LCK: variants seen among roughly 807,000 people sequenced by gnomAD.
The protein encoded by LCK is tyrosine-protein kinase Lck.
Under a neutral mutation model 64.6 loss-of-function variants are expected in LCK, and 14 were observed. The ratio of observed to expected loss-of-function variants is 0.22; its 90% confidence interval spans 0.14 to 0.34. The LOEUF is 0.34. Ranked by LOEUF, LCK falls within the 10% of genes least tolerant of loss-of-function variation. LCK has a pLI of 1.00. For synonymous variants in LCK, 277 were observed against 263.6 expected, an observed-to-expected ratio of 1.05 and a Z score of -0.49; for missense variants, 434 against 668.1, an observed-to-expected ratio of 0.65 and a Z score of 3.86.
chr1:32,281,335 C>G (rs1640453135), intron 12 of LCK, among the ~76,000 whole-genome samples: 1 of 150,792 alleles, frequency 6.6e-6, no homozygotes, highest in African/African-American at 2.4e-5. Context: ...TGGCACACAC[C>G]CGTAGTTTCA....
intron 12 of LCK, among the ~76,000 whole-genome samples, chr1:32,283,824 C>T (rs1640532549): frequency 1.3e-5 from 2 of 152,092 alleles, no homozygotes; most frequent in African/African-American, 2.4e-5. Context: ...CTGCCCTGGG[C>T]CCTGACCATC....
rs530929019 is a variant in LCK, at chr1:32,264,833, A to G, written c.-5-9492A>G. Among the ~76,000 whole-genome samples the G allele has an allele frequency of 2.0e-5, 3 of 152,184 alleles. No individual in the cohort carries two copies. In the East Asian group the frequency reaches 5.8e-4, roughly 30 times the overall value. ...GGCTGGTCTCAAACTCCGGGGCTCA[A>G]TCGATCCTCTCTCCTCAGCCTCCCA... is the stretch of plus-strand genomic sequence containing the variant. On this transcript the variant is annotated intron_variant, in intron 1 of 12. Coordinates refer to ENST00000336890, the MANE Select transcript of LCK (RefSeq NM_005356.5).
intron 9 of LCK, among the ~76,000 whole-genome samples, chr1:32,278,262 G>A (rs1233452545): frequency 1.3e-5 from 2 of 152,114 alleles, no homozygotes; most frequent in African/African-American, 4.8e-5. Flanking sequence ...TGATTCTTTG[G>A]GAGTGTAAGA....
At chr1:32,280,029 C>T in intron 11 of LCK, 35 bp downstream of exon 11, 1 of 1,613,940 alleles carries the variant, frequency 6.2e-7, no homozygotes, top group South Asian at 1.1e-5. Flanking sequence ...CTGGGCCCTG[C>T]AGGGTCTGGC....
chr1:32,274,355 C>T lies in LCK; in HGVS notation c.26C>T (p.Pro9Leu), dbSNP rs111771386. MGCGCSSH[P>L]EDDWMENIDV... ...ATGGGCTGTGGCTGCAGCTCACACC[C>T]GGAAGATGACTGGATGGAAAACATC... The change falls in exon 2 of 13, where the codon CCG becomes CTG. Residue 9 changes from proline (P) to leucine (L), a missense_variant. Transcript: ENST00000336890. 3 of 1,613,998 alleles carry T rather than the reference C, an allele frequency of 1.9e-6. No homozygotes were observed. Among genetic ancestry groups the T allele is most frequent in the African/African-American group, 1.3e-5 (1 of 74,920 alleles).
At chr1:32,253,665 A>C (rs1201018681) in intron 1 of LCK, among the ~76,000 whole-genome samples, 1 of 152,142 alleles carries the variant, frequency 6.6e-6, no homozygotes, top group Non-Finnish European at 1.5e-5. Flanking sequence ...CCACACCCAA[A>C]TTATGCCCAC....
chr1:32,275,056 A>C lies in LCK; in HGVS notation c.251A>C (p.Lys84Thr). Reference sequence around the variant, plus strand: ...CACGACGGAGATCTGGGCTTTGAGAAGGGGGAACAGCTCCGCATCCTGGAG... The same window carrying C: ...CACGACGGAGATCTGGGCTTTGAGACGGGGGAACAGCTCCGCATCCTGGAG... ...PSHDGDLGFE[K>T]GEQLRILEQS... is the part of the protein sequence containing the mutation. The change falls in exon 4 of 13, where the codon AAG (lysine) becomes ACG (threonine). Residue 84 changes from lysine (K) to threonine (T), a missense_variant. Lys to Thr is a moderately conservative substitution (Grantham distance 78). Transcript: ENST00000336890. The surrounding 1 kb of genome is among the most constrained non-coding windows in gnomAD (Gnocchi z 6.9). The C allele has an allele frequency of 6.2e-7, 1 of 1,613,812 alleles. No individual in the cohort carries two copies. Among genetic ancestry groups the C allele is most frequent in the Non-Finnish European group, 8.5e-7 (1 of 1,179,768 alleles).
intron 1 of LCK, among the ~76,000 whole-genome samples, chr1:32,271,828 T>C (rs1220550701): frequency 6.6e-6 from 1 of 152,166 alleles, no homozygotes; most frequent in Non-Finnish European, 1.5e-5. Context: ...GCTTCTGCTC[T>C]TGATGAACCC....
At chr1:32,268,762 G>A (rs1477954779) in intron 1 of LCK, among the ~76,000 whole-genome samples, 2 of 149,096 alleles carry the variant, frequency 1.3e-5, no homozygotes, top group South Asian at 2.1e-4. Context: ...GCGGTGGGCC[G>A]AGATCGTGCC....
chr1:32,279,794 C>T (rs369495108), intron 10 of LCK, 47 bp downstream of exon 10: 74 of 1,611,864 alleles, frequency 4.6e-5, no homozygotes, highest in Admixed American at 1.3e-4. Context: ...AGACCAGTGA[C>T]GTGAAGACAT....
rs374526337 is a variant in LCK at position 32,276,327 on chromosome 1, G to A, written c.632-10G>A. 6.4e-7 allele frequency: 1 copy of A among 1,553,746 alleles called. No homozygotes were observed. The highest frequency in any genetic ancestry group is 8.7e-7 in the Non-Finnish European group (1 of 1,152,438). ...TATTGACAGCCTTCACCCCTCCCTCGTCCTCGCAGATGCTTCAGATGGGCT... is the reference window on the plus strand; with the variant it reads ...TATTGACAGCCTTCACCCCTCCCTCATCCTCGCAGATGCTTCAGATGGGCT... On this transcript the variant is annotated splice_polypyrimidine_tract_variant and intron_variant, in intron 7 of 12. Transcript: ENST00000336890. The surrounding 1 kb of genome is among the most constrained non-coding windows in gnomAD (Gnocchi z 4.6).
At chr1:32,264,293 C>T (rs771169094) in intron 1 of LCK, among the ~76,000 whole-genome samples, 8 of 152,188 alleles carry the variant, frequency 5.3e-5, no homozygotes, top group Non-Finnish European at 1.0e-4. Flanking sequence ...CTCACATTCT[C>T]CTAGACCTCT....
chr1:32,255,350 T>G (rs1467277789), intron 1 of LCK, among the ~76,000 whole-genome samples: 1 of 152,202 alleles, frequency 6.6e-6, no homozygotes, highest in Non-Finnish European at 1.5e-5. Flanking sequence ...AATAAAGGCT[T>G]AGCACAGAGC....
At chr1:32,281,535 T>A (rs1252131885) in intron 12 of LCK, among the ~76,000 whole-genome samples, 1 of 151,756 alleles carries the variant, frequency 6.6e-6, no homozygotes, top group African/African-American at 2.4e-5. Flanking sequence ...TGACTCATAG[T>A]AGGTTGTCAG....
Position 32,275,359 on chromosome 1 carries a change from G to T in LCK, c.317G>T (p.Gly106Val), listed in dbSNP as rs1462475947. Residue 106 changes from glycine (G) to valine (V), a missense_variant, in exon 5 of 13, where the codon GGC becomes GTC. Gly to Val is a moderately radical substitution (Grantham distance 109, BLOSUM62 -3). Around this residue, in one of 2 missense-constraint regions of LCK, gnomAD observed 233 missense variants for 291.2 expected, o/e 0.80. Coordinates refer to ENST00000336890, the MANE Select transcript of LCK (RefSeq NM_005356.5). The surrounding 1 kb of genome is among the most constrained non-coding windows in gnomAD (Gnocchi z 6.9). ...TGGAAGGCGCAGTCCCTGACCACGG[G>T]CCAGGAAGGCTTCATCCCCTTCAAT... ...EWWKAQSLTT[G>V]QEGFIPFNFV... The T allele has an allele frequency of 6.2e-7, 1 of 1,614,192 alleles. No homozygotes were observed. Among genetic ancestry groups the T allele is most frequent in the Non-Finnish European group, 8.5e-7 (1 of 1,180,028 alleles).
intron 1 of LCK, among the ~76,000 whole-genome samples, chr1:32,259,208 G>T: frequency 6.9e-6 from 1 of 145,318 alleles, no homozygotes; most frequent in Non-Finnish European, 1.5e-5. Flanking sequence ...ACTAGCCTGA[G>T]CAACATGGCA....
At chr1:32,264,621 T>G (rs1639864957) in intron 1 of LCK, among the ~76,000 whole-genome samples, 1 of 152,144 alleles carries the variant, frequency 6.6e-6, no homozygotes, top group South Asian at 2.1e-4. Flanking sequence ...GTATTTGTGT[T>G]TCCTAAACTC....
chr1:32,266,501 CAA>C (rs1270322683), intron 1 of LCK, among the ~76,000 whole-genome samples: 140 of 61,890 alleles, frequency 2.3e-3, no homozygotes, highest in African/African-American at 7.3e-3. Flanking sequence ...GACTCTGTCT[CAA>C]AAAAAAAAAA....
At chr1:32,270,935 C>G (rs1044500148) in intron 1 of LCK, among the ~76,000 whole-genome samples, 2 of 150,568 alleles carry the variant, frequency 1.3e-5, no homozygotes, top group African/African-American at 4.9e-5. Context: ...ATCCCTTAAT[C>G]TTGTGACCCA....
Sources: allele counts gnomAD v4.1 joint callset (sites outside exome capture counted in the v4.1 genomes callset), GRCh38; gene constraint gnomAD v4.1.1; regional missense constraint gnomAD v4.1.1; non-coding constraint Gnocchi (gnomAD v3.1); transcripts MANE v1.5; gene names NCBI Gene and HGNC (gene_info 2026-07-23, HGNC 2026-07-21).